The following KCNMB2 variants were observed in gnomAD, a reference collection of about 807,000 sequenced individuals.
KCNMB2 encodes the protein calcium-activated potassium channel subunit beta-2.
A neutral mutation model predicts 24.5 loss-of-function variants in KCNMB2; 9 were observed. The observed-to-expected ratio is 0.37, with a 90% CI of 0.22 to 0.64. The LOEUF (loss-of-function observed/expected upper bound fraction) is 0.64. Among genes scored for constraint, KCNMB2 ranks in the 30% least tolerant of loss-of-function variants. The pLI is 0.63. For synonymous variants in KCNMB2, 109 were observed against 104.4 expected, an observed-to-expected ratio of 1.04 and a Z score of -0.27; for missense variants, 226 against 284.3, an observed-to-expected ratio of 0.79 and a Z score of 1.47.
chr3:178,694,273 A>G (rs2108332467), intron 1 of KCNMB2, among the ~76,000 whole-genome samples: 1 of 152,288 alleles, frequency 6.6e-6, no homozygotes. Context: ...AGTTATTTCC[A>G]CCTAGTCCCT....
At chr3:178,834,580 T>C (rs993616887) in intron 4 of KCNMB2, among the ~76,000 whole-genome samples, 1 of 152,072 alleles carries the variant, frequency 6.6e-6, no homozygotes, top group Non-Finnish European at 1.5e-5. Flanking sequence ...ATTAGGACTG[T>C]ATATTCAGCA....
chr3:178,591,683 G>A (rs1159932470), intron 1 of KCNMB2, among the ~76,000 whole-genome samples: 1 of 152,126 alleles, frequency 6.6e-6, no homozygotes, highest in East Asian at 1.9e-4. Flanking sequence ...GAGGCAGCTT[G>A]GCCTTCAGAG....
chr3:178,761,957 G>A lies in KCNMB2; in HGVS notation c.-67-45386G>A, dbSNP rs149374124. Among the ~76,000 whole-genome samples, 22 of 152,254 alleles carry A rather than the reference G, an allele frequency of 1.4e-4. No individual in the cohort carries two copies. In the East Asian group the frequency reaches 4.0e-3, roughly 28 times the overall value. On this transcript the variant is annotated intron_variant, in intron 1 of 4. Coordinates refer to ENST00000452583, the MANE Select transcript of KCNMB2 (RefSeq NM_181361.3). ...GAGGCCGAGGCGGGCGGATCACGAG[G>A]TCAGGAAATCAAGACCATCCTGGCT...
At chr3:178,831,082 T>C (rs903236733) in intron 4 of KCNMB2, among the ~76,000 whole-genome samples, 1 of 144,628 alleles carries the variant, frequency 6.9e-6, no homozygotes, top group African/African-American at 2.7e-5. Flanking sequence ...CTGGAATTAA[T>C]TTTTATATAT....
intron 1 of KCNMB2, among the ~76,000 whole-genome samples, chr3:178,776,223 T>G (rs1201087930): frequency 6.6e-6 from 1 of 152,192 alleles, no homozygotes; most frequent in African/African-American, 2.4e-5. Flanking sequence ...TTTCCCATAC[T>G]GGTTAATAAT....
chr3:178,547,555 T>C (rs1388723899), intron 1 of KCNMB2, among the ~76,000 whole-genome samples: 1 of 152,224 alleles, frequency 6.6e-6, no homozygotes, highest in Admixed American at 6.5e-5. Context: ...TGTGTATGTG[T>C]ATGTATGTAT....
intron 1 of KCNMB2, among the ~76,000 whole-genome samples, chr3:178,610,435 C>G (rs946699689): frequency 1.3e-5 from 2 of 151,972 alleles, no homozygotes; most frequent in African/African-American, 4.8e-5. Flanking sequence ...CCTTAATCAG[C>G]GTTTTACAGT....
intron 1 of KCNMB2, among the ~76,000 whole-genome samples, chr3:178,712,830 G>T (rs908655327): frequency 6.6e-6 from 1 of 152,190 alleles, no homozygotes; most frequent in Non-Finnish European, 1.5e-5. Flanking sequence ...TATTCAAAGA[G>T]ATTTTATATT....
chr3:178,803,735 G>C (rs574653307), intron 1 of KCNMB2, among the ~76,000 whole-genome samples: 1 of 152,244 alleles, frequency 6.6e-6, no homozygotes, highest in African/African-American at 2.4e-5. Flanking sequence ...ATATGGGTCA[G>C]AGAAGACCTC....
At chr3:178,712,677 C>T (rs1374808660) in intron 1 of KCNMB2, among the ~76,000 whole-genome samples, 1 of 152,184 alleles carries the variant, frequency 6.6e-6, no homozygotes, top group Non-Finnish European at 1.5e-5. Flanking sequence ...AACCTAAGCA[C>T]AGAGAGGTCA....
At chr3:178,722,553 A>G (rs764524947) in intron 1 of KCNMB2, among the ~76,000 whole-genome samples, 1 of 152,168 alleles carries the variant, frequency 6.6e-6, no homozygotes, top group Non-Finnish European at 1.5e-5. Flanking sequence ...TAACGACATT[A>G]ATCTATTCAT....
In KCNMB2 at chr3:178,625,915, T is replaced by C. The variant is rs370166475; in HGVS notation, c.-68+89204T>C. 1.7e-4 allele frequency among the ~76,000 whole-genome samples: 26 copies of C among 152,320 alleles called. No homozygotes were observed. The South Asian group carries it at 5.4e-3, about 32-fold the overall frequency. On this transcript the variant is annotated intron_variant, in intron 1 of 4. Transcript: ENST00000452583. ...ACTCACCCTATAGAGTAAGACTTGA[T>C]CTTGCCATAAGTATTAGTGAGAGAC...
At chr3:178,601,221 G>A (rs1400543249) in intron 1 of KCNMB2, among the ~76,000 whole-genome samples, 3 of 152,024 alleles carry the variant, frequency 2.0e-5, no homozygotes, top group Non-Finnish European at 4.4e-5. Context: ...GGGAGGGATA[G>A]CATTAGGACA....
intron 1 of KCNMB2, among the ~76,000 whole-genome samples, chr3:178,586,470 A>G (rs1403225390): frequency 4.0e-5 from 6 of 150,300 alleles, no homozygotes; most frequent in Non-Finnish European, 7.4e-5. Flanking sequence ...ACAGCCTGTC[A>G]TAATTTTTTT....
intron 1 of KCNMB2, among the ~76,000 whole-genome samples, chr3:178,801,499 G>A (rs1713775593): frequency 6.6e-6 from 1 of 152,166 alleles, no homozygotes; most frequent in Non-Finnish European, 1.5e-5. Context: ...CAAATTGGGA[G>A]AGAAAAGTAT....
intron 1 of KCNMB2, among the ~76,000 whole-genome samples, chr3:178,562,697 A>T (rs1468149948): frequency 6.6e-6 from 1 of 152,192 alleles, no homozygotes; most frequent in Non-Finnish European, 1.5e-5. Flanking sequence ...GAAATACACA[A>T]ATCTGAATTT....
chr3:178,824,011 A>T (rs1714735247), intron 2 of KCNMB2, among the ~76,000 whole-genome samples: 2 of 151,932 alleles, frequency 1.3e-5, no homozygotes. Context: ...TCCCATTTCC[A>T]CTGCCCTGCA....
intron 1 of KCNMB2, among the ~76,000 whole-genome samples, chr3:178,632,991 T>C (rs773017985): frequency 5.9e-5 from 9 of 152,196 alleles, no homozygotes; most frequent in Non-Finnish European, 1.2e-4. Context: ...GGGCAATCAT[T>C]AAACCTTAAA....
chr3:178,807,494 T>C, intron 2 of KCNMB2, 29 bp downstream of exon 2: 1 of 1,590,508 alleles, frequency 6.3e-7, no homozygotes, highest in South Asian at 1.1e-5. Flanking sequence ...TGGGCACTTT[T>C]CAGAAGCATT....
Sources: allele counts gnomAD v4.1 joint callset (sites outside exome capture counted in the v4.1 genomes callset), GRCh38; gene constraint gnomAD v4.1.1; transcripts MANE v1.5; gene names NCBI Gene and HGNC (gene_info 2026-07-23, HGNC 2026-07-21).